PCDHB8: variants seen among roughly 807,000 people sequenced by gnomAD.
PCDHB8 encodes protocadherin beta 8, also known as protocadherin beta-8.
For synonymous variants in PCDHB8, 385 were observed against 448.5 expected, an observed-to-expected ratio of 0.86 and a Z score of 1.79; for missense variants, 836 against 1,004.0, an observed-to-expected ratio of 0.83 and a Z score of 2.26.
rs782522379 is a variant in PCDHB8 at position 141,179,704 on chromosome 5, A to C, written c.1670A>C (p.Asp557Ala). Residue 557 changes from aspartate (D) to alanine (A), a missense_variant, in exon 1 of 1, where the codon GAC (aspartate) becomes GCC (alanine). Asp to Ala is a moderately radical substitution (Grantham distance 126). Transcript: ENST00000239444. ...CGCGTGCTGGTGCTGGACGCCAACG[A>C]CAACTCGCCCTTCGTGCTGTACCCG... ...LVRVLVLDANDNSPFVLYPLQ... is the reference protein window; with the variant it reads ...LVRVLVLDANANSPFVLYPLQ... The C allele has an allele frequency of 6.2e-7, 1 of 1,611,964 alleles. No homozygotes were observed. Among genetic ancestry groups the C allele is most frequent in the Non-Finnish European group, 8.5e-7 (1 of 1,179,606 alleles).
rs1554281732 is a variant in PCDHB8 at position 141,180,441 on chromosome 5, T to A, written c.*1T>A. On this transcript the variant is annotated 3_prime_UTR_variant, in exon 1 of 1. Coordinates refer to ENST00000239444, the MANE Select transcript of PCDHB8 (RefSeq NM_019120.5). ...TGGTTTCAGCCTTCAGTTAAAGTAA[T>A]TGATTTCATATTATATATTTTAATT... 1 of 1,548,228 alleles carries A rather than the reference T, an allele frequency of 6.5e-7. No homozygotes were observed. Among genetic ancestry groups the A allele is most frequent in the Non-Finnish European group, 8.7e-7 (1 of 1,144,084 alleles).
rs1184271669 is a variant in PCDHB8 at position 141,179,292 on chromosome 5, G to A, written c.1258G>A (p.Val420Ile). ...LDRESRAEYN[V>I]TITVTDLGTP... ...CAGAGAAAGCAGAGCCGAGTACAACGTCACTATCACCGTCACTGACTTAGG... is the reference window on the plus strand; with the variant it reads ...CAGAGAAAGCAGAGCCGAGTACAACATCACTATCACCGTCACTGACTTAGG... Residue 420 changes from valine (V) to isoleucine (I), a missense_variant, in exon 1 of 1, where the codon GTC becomes ATC. Coordinates refer to ENST00000239444, the MANE Select transcript of PCDHB8 (RefSeq NM_019120.5). 1.5e-5 allele frequency: 25 copies of A among 1,614,042 alleles called. No individual in the cohort carries two copies. Among genetic ancestry groups the A allele is most frequent in the Non-Finnish European group, 1.9e-5 (22 of 1,180,026 alleles).
rs781919824 is a variant in PCDHB8, at chr5:141,180,002, C to G, written c.1968C>G (p.Thr656=). 1 of 1,608,762 alleles carries G rather than the reference C, an allele frequency of 6.2e-7. No individual in the cohort carries two copies. Among genetic ancestry groups the G allele is most frequent in the South Asian group, 1.1e-5 (1 of 90,988 alleles). The change falls in exon 1 of 1, where the codon ACC becomes ACG. Residue 656 remains threonine, a synonymous_variant. Coordinates refer to ENST00000239444, the MANE Select transcript of PCDHB8 (RefSeq NM_019120.5). ...KDNGEPPCSA[T]ATLHVLLVDG... ...ATGGCGAGCCTCCGTGCTCGGCCAC[C>G]GCCACGCTGCACGTGCTCCTGGTGG...
At position 141,178,932 on chromosome 5, in the gene PCDHB8, G is replaced by T; in HGVS notation, c.898G>T (p.Gly300Ter). 1 of 1,614,244 alleles carries T rather than the reference G, an allele frequency of 6.2e-7. No individual in the cohort carries two copies. The highest frequency in any genetic ancestry group is 1.1e-5 in the South Asian group (1 of 91,088). Reference protein sequence around the residue: ...SKTFKVDFLTGEIRLKKQLDF... With the variant: ...SKTFKVDFLT Reference sequence around the variant, plus strand: ...AACTTTTAAGGTCGATTTCTTGACAGGAGAAATTCGACTAAAGAAACAACT... The same window carrying T: ...AACTTTTAAGGTCGATTTCTTGACATGAGAAATTCGACTAAAGAAACAACT... Residue 300 changes from glycine to a stop codon, truncating the protein, a stop_gained, in exon 1 of 1, where the codon GGA (glycine) becomes TGA (stop). Transcript: ENST00000239444. LOFTEE classifies it low-confidence loss of function (END_TRUNC).
chr5:141,179,001 A>G lies in PCDHB8; in HGVS notation c.967A>G (p.Arg323Gly). ...FQSYEVNIEA[R>G]DAGGFSGKCT... ...GTCCTATGAAGTCAATATCGAGGCG[A>G]GAGATGCTGGAGGCTTTTCTGGAAA... Residue 323 changes from arginine to glycine, a missense_variant, in exon 1 of 1, where the codon AGA (arginine) becomes GGA (glycine). Transcript: ENST00000239444. 1 of 1,614,248 alleles carries G rather than the reference A, an allele frequency of 6.2e-7. No individual in the cohort carries two copies. The highest frequency in any genetic ancestry group is 8.5e-7 in the Non-Finnish European group (1 of 1,180,046).
rs1554280808 is a variant in PCDHB8, at chr5:141,177,867, G to T, written c.-168G>T. 2 of 633,750 alleles carry T rather than the reference G, an allele frequency of 3.2e-6. No individual in the cohort carries two copies. The highest frequency in any genetic ancestry group is 5.6e-5 in the East Asian group (2 of 35,428). The allele number at this position is 633,750 out of a possible 1,614,324, so 39.3% of individuals were successfully genotyped here. A position where few individuals can be genotyped will look rare whatever the true frequency, so the allele number is the denominator to read the frequency against. On this transcript the variant is annotated 5_prime_UTR_variant, in exon 1 of 1. Transcript: ENST00000239444. ...AACCGGCAAAAAGCAGCAGAACCTG[G>T]AAGTCCACGGGGAGCTTGGATGCCA...
chr5:141,178,770 C>T lies in PCDHB8; in HGVS notation c.736C>T (p.Pro246Ser). ...TGATAATGCCCCTGAATTTGAGCAG[C>T]CTTTCTATAGGGTGCAGATCTCTGA... is the stretch of plus-strand genomic sequence containing the variant. Reference protein sequence around the residue: ...VNDNAPEFEQPFYRVQISEDS... With the variant: ...VNDNAPEFEQSFYRVQISEDS... Residue 246 changes from proline (P) to serine (S), a missense_variant, in exon 1 of 1, where the codon CCT (proline) becomes TCT (serine). Pro to Ser is a moderately conservative substitution (Grantham distance 74). Transcript: ENST00000239444. The T allele has an allele frequency of 1.2e-6, 2 of 1,613,848 alleles. No individual in the cohort carries two copies. The highest frequency in any genetic ancestry group is 1.1e-5 in the South Asian group (1 of 91,014).
chr5:141,179,519 G>A lies in PCDHB8; in HGVS notation c.1485G>A (p.Gln495=), dbSNP rs1396046695. ...TCACCTACTCGCTGCTGCCGCCCCA[G>A]GATCCGCACCTGCCCCTCGCCTCCC... ...AQVTYSLLPP[Q]DPHLPLASLV... Residue 495 remains glutamine (Q), a synonymous_variant, in exon 1 of 1, where the codon CAG becomes CAA. Transcript: ENST00000239444. 5 of 1,613,570 alleles carry A rather than the reference G, an allele frequency of 3.1e-6. No homozygotes were observed. The highest frequency in any genetic ancestry group is 3.4e-6 in the Non-Finnish European group (4 of 1,180,016).
rs782699737 is a variant in PCDHB8 at position 141,179,190 on chromosome 5, A to T, written c.1156A>T (p.Ile386Phe). ...SGENGKISCS[I>F]QEDLPFLLKS... ...AGAAAATGGGAAAATAAGTTGCTCC[A>T]TTCAGGAGGATCTACCCTTCCTCCT... Residue 386 changes from isoleucine to phenylalanine, a missense_variant, in exon 1 of 1, where the codon ATT becomes TTT. Coordinates refer to ENST00000239444, the MANE Select transcript of PCDHB8 (RefSeq NM_019120.5). The T allele has an allele frequency of 1.2e-6, 2 of 1,614,090 alleles. No homozygotes were observed. The highest frequency in any genetic ancestry group is 2.7e-5 in the African/African-American group (2 of 74,922).
At position 141,179,766 on chromosome 5, in the gene PCDHB8, C is replaced by T. The variant is rs572196294; in HGVS notation, c.1732C>T (p.Pro578Ser). 5.0e-6 allele frequency: 8 copies of T among 1,611,064 alleles called. No homozygotes were observed. Among genetic ancestry groups the T allele is most frequent in the African/African-American group, 1.3e-5 (1 of 74,992 alleles). Residue 578 changes from proline to serine, a missense_variant, in exon 1 of 1, where the codon CCC becomes TCC. Transcript: ENST00000239444. Reference sequence around the variant, plus strand: ...CTCCGCGCCCTGCACCGAGCTGGTGCCCCGGGCGGCCGAGCCGGGCTACCT... The same window carrying T: ...CTCCGCGCCCTGCACCGAGCTGGTGTCCCGGGCGGCCGAGCCGGGCTACCT... Reference protein sequence around the residue: ...NGSAPCTELVPRAAEPGYLVT... With the variant: ...NGSAPCTELVSRAAEPGYLVT...
chr5:141,178,917 G>T lies in PCDHB8; in HGVS notation c.883G>T (p.Val295Phe). The T allele has an allele frequency of 6.2e-7, 1 of 1,614,236 alleles. No individual in the cohort carries two copies. The highest frequency in any genetic ancestry group is 8.5e-7 in the Non-Finnish European group (1 of 1,180,052). Residue 295 changes from valine (V) to phenylalanine (F), a missense_variant, in exon 1 of 1, where the codon GTC becomes TTC. Transcript: ENST00000239444. Reference protein sequence around the residue: ...ASDEISKTFKVDFLTGEIRLK... With the variant: ...ASDEISKTFKFDFLTGEIRLK... ...AGATGAGATAAGCAAAACTTTTAAG[G>T]TCGATTTCTTGACAGGAGAAATTCG...
rs782552285 is a variant in PCDHB8 at position 141,180,272 on chromosome 5, G to T, written c.2238G>T (p.Leu746=). ...TGGACGTGAGGGGCACCGGGAGCCT[G>T]TCTCAGAACTATCAGTACGAGGTGT... is the stretch of plus-strand genomic sequence containing the variant. The part of the protein sequence containing the change: ...HLVDVRGTGS[L]SQNYQYEVCL... Residue 746 remains leucine, a synonymous_variant, in exon 1 of 1, where the codon CTG becomes CTT. Coordinates refer to ENST00000239444, the MANE Select transcript of PCDHB8 (RefSeq NM_019120.5). The T allele has an allele frequency of 2.1e-5, 34 of 1,613,878 alleles. No homozygotes were observed. Among genetic ancestry groups the T allele is most frequent in the Middle Eastern group, 3.3e-4 (2 of 5,992 alleles).
chr5:141,179,047 T>C lies in PCDHB8; in HGVS notation c.1013T>C (p.Val338Ala), dbSNP rs62378901. ...GGAAAATGCACCGTTCTGATTCAAG[T>C]GATAGATGTGAACGACCATGCCCCA... The part of the protein sequence containing the change: ...FSGKCTVLIQ[V>A]IDVNDHAPEV... Residue 338 changes from valine (V) to alanine (A), a missense_variant, in exon 1 of 1, where the codon GTG becomes GCG. Val to Ala is a moderately conservative substitution (Grantham distance 64, BLOSUM62 0). Transcript: ENST00000239444. 0.032 allele frequency: 50,747 copies of C among 1,584,764 alleles called. 7 individuals are homozygous for C. Among genetic ancestry groups the C allele is most frequent in the Non-Finnish European group, 0.037 (42,843 of 1,154,320 alleles).
rs202092480 is a variant in PCDHB8, at chr5:141,180,426, C to A, written c.2392C>A (p.Leu798Ile). 4.4e-6 allele frequency: 7 copies of A among 1,582,662 alleles called. No individual in the cohort carries two copies. The East Asian group carries it at 1.6e-4, about 36-fold the overall frequency. Residue 798 changes from leucine (L) to isoleucine (I), a missense_variant, in exon 1 of 1, where the codon CTT (leucine) becomes ATT (isoleucine). Coordinates refer to ENST00000239444, the MANE Select transcript of PCDHB8 (RefSeq NM_019120.5). The stretch of plus-strand genomic sequence containing the variant: ...CTTTAGGAATGGCTTTGGTTTCAGC[C>A]TTCAGTTAAAGTAATTGATTTCATA... ...SNFRNGFGFS[L>I]QLK
At position 141,179,924 on chromosome 5, in the gene PCDHB8, G is replaced by A. The variant is rs1308865451; in HGVS notation, c.1890G>A (p.Leu630=). Residue 630 remains leucine (L), a synonymous_variant, in exon 1 of 1, where the codon CTG becomes CTA. Transcript: ENST00000239444. ...AHNGEVRTAR[L]LSERDAAKQR... ...ATGGCGAGGTGCGCACCGCCAGGCT[G>A]CTGAGCGAGCGCGACGCGGCCAAGC... 1.9e-6 allele frequency: 3 copies of A among 1,609,008 alleles called. No homozygotes were observed. Among genetic ancestry groups the A allele is most frequent in the Non-Finnish European group, 1.7e-6 (2 of 1,179,552 alleles).
chr5:141,178,850 A>C lies in PCDHB8; in HGVS notation c.816A>C (p.Thr272=), dbSNP rs1433887892. Residue 272 remains threonine (T), a synonymous_variant, in exon 1 of 1, where the codon ACA becomes ACC. Transcript: ENST00000239444. ...AGGTCTCTGCCACGGATGTAGACAC[A>C]GGAGTCAACGGAGAGATTTCCTATT... ...VVKVSATDVD[T]GVNGEISYSL... is the part of the protein sequence containing the mutation. 1.5e-5 allele frequency: 24 copies of C among 1,614,168 alleles called. No homozygotes were observed. In the Admixed American group the frequency reaches 3.8e-4, roughly 26 times the overall value.
At position 141,180,147 on chromosome 5, in the gene PCDHB8, T is replaced by G. The variant is rs1753519211; in HGVS notation, c.2113T>G (p.Ser705Ala). Residue 705 changes from serine to alanine, a missense_variant, in exon 1 of 1, where the codon TCG becomes GCG. Transcript: ENST00000239444. ...CTCGGTGTCTTCGCTCTTCCTCTTC[T>G]CGGTGCTCCTGTTCGTGGCGGTGCT... ...LASVSSLFLFSVLLFVAVLLC... is the reference protein window; with the variant it reads ...LASVSSLFLFAVLLFVAVLLC... 1 of 1,611,636 alleles carries G rather than the reference T, an allele frequency of 6.2e-7. No individual in the cohort carries two copies. The highest frequency in any genetic ancestry group is 1.3e-5 in the African/African-American group (1 of 74,848).
rs1483942587 is a variant in PCDHB8, at chr5:141,179,644, G to A, written c.1610G>A (p.Arg537His). The A allele has an allele frequency of 1.1e-5, 17 of 1,612,736 alleles. No individual in the cohort carries two copies. Among genetic ancestry groups the A allele is most frequent in the East Asian group, 2.2e-5 (1 of 44,882 alleles). ...AFEFRVGASD[R>H]GSPALSSEAL... ...GAGTTCCGGGTGGGCGCTTCAGACC[G>A]CGGCTCCCCGGCTTTGAGCAGCGAG... Residue 537 changes from arginine to histidine, a missense_variant, in exon 1 of 1, where the codon CGC (arginine) becomes CAC (histidine). Transcript: ENST00000239444.
chr5:141,180,073 C>G lies in PCDHB8; in HGVS notation c.2039C>G (p.Ala680Gly). Residue 680 changes from alanine to glycine, a missense_variant, in exon 1 of 1, where the codon GCC (alanine) becomes GGC (glycine). Physicochemically the swap from Ala to Gly is moderately conservative, Grantham distance 60 (BLOSUM62 0). Coordinates refer to ENST00000239444, the MANE Select transcript of PCDHB8 (RefSeq NM_019120.5). ...CTGCCGCTTCCGGAGGCTGCCCCAGCCCAGGGCCAGGCCGACTCTCTCACC... is the reference window on the plus strand; with the variant it reads ...CTGCCGCTTCCGGAGGCTGCCCCAGGCCAGGGCCAGGCCGACTCTCTCACC... ...PYLPLPEAAP[A>G]QGQADSLTVY... 6.2e-7 allele frequency: 1 copy of G among 1,610,004 alleles called. No individual in the cohort carries two copies. The highest frequency in any genetic ancestry group is 8.5e-7 in the Non-Finnish European group (1 of 1,179,850).
Sources: gnomAD v4.1 joint callset for allele counts on GRCh38, gnomAD v4.1.1 for gene constraint, MANE v1.5 for transcripts, NCBI Gene and HGNC (gene_info 2026-07-23, HGNC 2026-07-21) for gene names.